The following KBTBD11 variants were observed in gnomAD, a reference collection of about 807,000 sequenced individuals.
The protein encoded by KBTBD11 is kelch repeat and BTB domain-containing protein 11.
For missense variants in KBTBD11, 1,390 were observed against 1,001.8 expected (o/e 1.39, Z -5.23); for synonymous variants, 747 against 499.0 (o/e 1.50, Z -6.63).
intron 1 of KBTBD11, among the ~76,000 whole-genome samples, chr8:1,983,404 C>T (rs116094797): frequency 6.6e-6 from 1 of 152,192 alleles, no homozygotes; most frequent in Admixed American, 6.5e-5. Context: ...CTGGGTGCTC[C>T]TTGTAACCCT....
intron 1 of KBTBD11, among the ~76,000 whole-genome samples, chr8:1,981,139 G>A (rs4875934): frequency 0.27 from 41,680 of 152,012 alleles, 6,968 homozygotes; most frequent in East Asian, 0.54. Context: ...TGATCTATTC[G>A]AAGTGCTGAA....
chr8:1,986,860 A>AT (rs553289624), intron 1 of KBTBD11, among the ~76,000 whole-genome samples: 1 of 152,098 alleles, frequency 6.6e-6, no homozygotes, highest in African/African-American at 2.4e-5. Flanking sequence ...GGCTTCAAAT[A>AT]TTTTTTGTTT....
At chr8:1,979,129 T>C (rs1168708936) in intron 1 of KBTBD11, among the ~76,000 whole-genome samples, 7 of 152,178 alleles carry the variant, frequency 4.6e-5, no homozygotes, top group African/African-American at 1.4e-4. Flanking sequence ...AGGACCTGGC[T>C]CATCCGATGG....
intron 1 of KBTBD11, among the ~76,000 whole-genome samples, chr8:1,994,203 C>T (rs1193294243): frequency 5.9e-5 from 9 of 151,514 alleles, no homozygotes; most frequent in Middle Eastern, 3.2e-3. Flanking sequence ...ACTGTTATTC[C>T]CCTAAATGAC....
Position 2,001,771 on chromosome 8 carries a change from C to A in KBTBD11, c.579C>A (p.Ser193Arg). ...ALRLLLADAY[S>R]GRMAGVRPDN... ...GGCTGCTCCTCGCCGACGCCTACAG[C>A]GGGCGCATGGCGGGCGTGCGGCCCG... Residue 193 changes from serine (S) to arginine (R), a missense_variant, in exon 2 of 2, where the codon AGC (serine) becomes AGA (arginine). Coordinates refer to ENST00000320248, the MANE Select transcript of KBTBD11 (RefSeq NM_014867.3). 1 of 1,285,136 alleles carries A rather than the reference C, an allele frequency of 7.8e-7. No homozygotes were observed. Among genetic ancestry groups the A allele is most frequent in the Non-Finnish European group, 9.8e-7 (1 of 1,018,948 alleles). 79.6% of individuals were successfully genotyped at this position (1,285,136 alleles called of 1,614,324 possible). A position where few individuals can be genotyped will look rare whatever the true frequency, so the allele number is the denominator to read the frequency against.
intron 1 of KBTBD11, among the ~76,000 whole-genome samples, chr8:1,978,846 CA>C (rs33962631): frequency 0.75 from 113,820 of 151,974 alleles, 42,820 homozygotes; most frequent in South Asian, 0.85. Flanking sequence ...GTTGTGGCAT[CA>C]AGACTTGGGC....
intron 1 of KBTBD11, among the ~76,000 whole-genome samples, chr8:1,988,050 A>G (rs1447190647): frequency 1.3e-5 from 2 of 152,152 alleles, no homozygotes; most frequent in Non-Finnish European, 2.9e-5. Context: ...TGTCACTGCA[A>G]AGGACATGAA....
chr8:1,996,832 A>G (rs945782205), intron 1 of KBTBD11, among the ~76,000 whole-genome samples: 1 of 152,218 alleles, frequency 6.6e-6, no homozygotes, highest in African/African-American at 2.4e-5. Flanking sequence ...ATAGAAACTT[A>G]GAAGTTTAGA....
chr8:2,002,184 A>C lies in KBTBD11; in HGVS notation c.992A>C (p.His331Pro), dbSNP rs2129316699. The C allele has an allele frequency of 8.0e-7, 1 of 1,242,592 alleles. No homozygotes were observed. Among genetic ancestry groups the C allele is most frequent in the Admixed American group, 4.2e-5 (1 of 23,724 alleles). 77.0% of individuals were successfully genotyped at this position (1,242,592 alleles called of 1,614,324 possible). A position where few individuals can be genotyped will look rare whatever the true frequency, so the allele number is the denominator to read the frequency against. Residue 331 changes from histidine to proline, a missense_variant, in exon 2 of 2, where the codon CAC (histidine) becomes CCC (proline). His to Pro is a moderately conservative substitution (Grantham distance 77). Transcript: ENST00000320248. This position sits in a 1 kb window ranked among gnomAD's most constrained non-coding sequence, Gnocchi z 4.1. ...ARGDAAVYCF[H>P]AAAGEWRELT... ...GGGGACGCGGCCGTCTACTGCTTCC[A>C]CGCGGCGGCCGGAGAGTGGCGCGAG...
chr8:1,990,327 C>T (rs1012273348), intron 1 of KBTBD11, among the ~76,000 whole-genome samples: 1 of 121,072 alleles, frequency 8.3e-6, no homozygotes, highest in African/African-American at 3.2e-5. Context: ...GGCCTTGGTG[C>T]CCTGTCTGGG....
intron 1 of KBTBD11, among the ~76,000 whole-genome samples, chr8:1,995,456 G>T (rs146482904): frequency 2.0e-5 from 3 of 152,046 alleles, no homozygotes; most frequent in African/African-American, 7.2e-5. Context: ...CTAGTTTTAG[G>T]CTGTGTAATT....
intron 1 of KBTBD11, among the ~76,000 whole-genome samples, chr8:1,995,949 C>T (rs1817120739): frequency 6.6e-6 from 1 of 152,084 alleles, no homozygotes; most frequent in Non-Finnish European, 1.5e-5. Context: ...CTCTTGAGCC[C>T]AGGAGTTGAA....
Position 2,001,006 on chromosome 8 carries a change from G to A in KBTBD11, c.-187G>A. 1.3e-6 allele frequency: 1 copy of A among 761,516 alleles called. No individual in the cohort carries two copies. Among genetic ancestry groups the A allele is most frequent in the Non-Finnish European group, 1.8e-6 (1 of 558,524 alleles). The allele number at this position is 761,516 out of a possible 1,614,324, so 47.2% of individuals were successfully genotyped here. ...GAGAGGAGAGGGCAAAGGCGAGGCG[G>A]GGGAGCAGCGTGTGAGATTCCCCCC... On this transcript the variant is annotated 5_prime_UTR_variant, in exon 2 of 2. Coordinates refer to ENST00000320248, the MANE Select transcript of KBTBD11 (RefSeq NM_014867.3).
chr8:2,001,826 C>T lies in KBTBD11; in HGVS notation c.634C>T (p.Arg212Cys), dbSNP rs1817376677. The T allele has an allele frequency of 1.6e-6, 2 of 1,218,822 alleles. No individual in the cohort carries two copies. Among genetic ancestry groups the T allele is most frequent in the African/African-American group, 1.6e-5 (1 of 62,380 alleles). 75.5% of individuals were successfully genotyped at this position (1,218,822 alleles called of 1,614,324 possible). The change falls in exon 2 of 2, where the codon CGC becomes TGC. Residue 212 changes from arginine to cysteine, a missense_variant. Transcript: ENST00000320248. ...CGTGGCCGAGGTGGTGGCCGGCGCG[C>T]GCCGCCTGCAGCTGCCCGGCGCCGC... ...DNVAEVVAGARRLQLPGAAQR... is the reference protein window; with the variant it reads ...DNVAEVVAGACRLQLPGAAQR...
At chr8:1,989,803 C>T (rs1421767369) in intron 1 of KBTBD11, among the ~76,000 whole-genome samples, 1 of 152,022 alleles carries the variant, frequency 6.6e-6, no homozygotes, top group Non-Finnish European at 1.5e-5. Context: ...TGGGGTGAGA[C>T]CACAGGGGCT....
chr8:1,993,436 T>TCCATCCATCTATCCATCCAATCAC (rs1816999441), intron 1 of KBTBD11, among the ~76,000 whole-genome samples: 1 of 143,000 alleles, frequency 7.0e-6, no homozygotes, highest in South Asian at 2.2e-4. Flanking sequence ...CACCCACCCA[T>TCCATCCATCTATCCATCCAATCAC]CCATCCATCT....
At chr8:1,992,431 G>T (rs1050112679) in intron 1 of KBTBD11, among the ~76,000 whole-genome samples, 1 of 148,820 alleles carries the variant, frequency 6.7e-6, no homozygotes, top group African/African-American at 2.5e-5. Flanking sequence ...AGAGGGGAGC[G>T]AGCTCGGTGG....
intron 1 of KBTBD11, among the ~76,000 whole-genome samples, chr8:1,996,214 C>T (rs770570722): frequency 7.2e-5 from 11 of 152,160 alleles, no homozygotes; most frequent in Admixed American, 1.3e-4. Context: ...TTCCCAGGGA[C>T]GCTGTGGTCT....
intron 1 of KBTBD11, among the ~76,000 whole-genome samples, chr8:1,984,263 C>T (rs1399557879): frequency 2.0e-5 from 3 of 149,230 alleles, no homozygotes; most frequent in African/African-American, 7.4e-5. Flanking sequence ...CATAGTGAGA[C>T]CCCATCTCTA....
Sources: allele counts gnomAD v4.1 joint callset (sites outside exome capture counted in the v4.1 genomes callset), GRCh38; gene constraint gnomAD v4.1.1; non-coding constraint Gnocchi (gnomAD v3.1); transcripts MANE v1.5; gene names NCBI Gene and HGNC (gene_info 2026-07-23, HGNC 2026-07-21).